PKD1: variants seen among roughly 807,000 people sequenced by gnomAD.
PKD1 encodes polycystin-1.
Under a neutral mutation model 361.7 loss-of-function variants are expected in PKD1, and 81 were observed. The observed-to-expected ratio is 0.22, with a 90% confidence interval of 0.19 to 0.27. The LOEUF (loss-of-function observed/expected upper bound fraction) is 0.27. Ranked by LOEUF, PKD1 falls within the 10% of genes least tolerant of loss-of-function variation. The pLI, the probability that PKD1 is intolerant of heterozygous loss-of-function variation, is 1.00. For missense variants in PKD1, 6,399 were observed against 6,118.3 expected (o/e 1.05, Z -1.53); for synonymous variants, 3,615 against 2,818.3 (o/e 1.28, Z -8.95).
intron 37 of PKD1, 84 bp downstream of exon 37, chr16:2,093,460 G>A (rs1389554720): frequency 7.7e-7 from 1 of 1,291,526 alleles, no homozygotes; most frequent in East Asian, 2.5e-5. Flanking sequence ...GAGGAAAGGG[G>A]GACAGGAGTG....
At chr16:2,131,113 T>C (rs188685558) in intron 1 of PKD1, among the ~76,000 whole-genome samples, 3 of 152,238 alleles carry the variant, frequency 2.0e-5, no homozygotes, top group Admixed American at 6.5e-5. Context: ...GGTGACACCA[T>C]GGAGGTGGCA....
At chr16:2,096,577 G>A (rs1258094008) in intron 34 of PKD1, among the ~76,000 whole-genome samples, 3 of 152,088 alleles carry the variant, frequency 2.0e-5, no homozygotes, top group East Asian at 1.9e-4. Context: ...GTGCAGTGGC[G>A]CGATCTCGGC....
intron 1 of PKD1, chr16:2,119,995 T>C: frequency 5.0e-6 from 3 of 595,102 alleles, no homozygotes; most frequent in Non-Finnish European, 9.0e-6. Flanking sequence ...AAGGATCGCC[T>C]GGGCCCAGGA....
At chr16:2,107,853 G>C (rs769513074) in intron 16 of PKD1, 30 bp downstream of exon 16, 1 of 1,538,738 alleles carries the variant, frequency 6.5e-7, no homozygotes, top group African/African-American at 1.4e-5. Context: ...GCTGTCCAAG[G>C]CAAGTGGCCG....
chr16:2,106,002 C>T lies in PKD1; in HGVS notation c.7726G>A (p.Glu2576Lys). ...LNRSLAITLPEPNGSATGLTV... is the reference protein window; with the variant it reads ...LNRSLAITLPKPNGSATGLTV... ...AGCCCCGTTGCGCTGCCGTTGGGCT[C>T]TGGGAGGGTGATGGCCAAAGACCTA... The change falls in exon 20 of 46, where the codon GAG (glutamate) becomes AAG (lysine). Residue 2576 changes from glutamate (E) to lysine (K), a missense_variant. By Grantham distance (56) the Glu-to-Lys change is moderately conservative. Coordinates refer to ENST00000262304, the MANE Select transcript of PKD1 (RefSeq NM_001009944.3). This position sits in a 1 kb window ranked among gnomAD's most constrained non-coding sequence, Gnocchi z 6.5. 1 of 1,605,200 alleles carries T rather than the reference C, an allele frequency of 6.2e-7. No homozygotes were observed. Among genetic ancestry groups the T allele is most frequent in the South Asian group, 1.1e-5 (1 of 90,986 alleles).
Position 2,111,038 on chromosome 16 carries a change from C to T in PKD1, c.4129G>A (p.Glu1377Lys), listed in dbSNP as rs765727138. ...RAHYFTSICV[E>K]PEVGNVTLQP... ...AGGGTGACGTTGCCCACCTCTGGCTCCACGCAGATGCTGGTGAAGTAATGC... is the reference window on the plus strand; with the variant it reads ...AGGGTGACGTTGCCCACCTCTGGCTTCACGCAGATGCTGGTGAAGTAATGC... Residue 1377 changes from glutamate (E) to lysine (K), a missense_variant, in exon 15 of 46, where the codon GAG becomes AAG. By Grantham distance (56) the Glu-to-Lys change is moderately conservative. Coordinates refer to ENST00000262304, the MANE Select transcript of PKD1 (RefSeq NM_001009944.3). The T allele has an allele frequency of 6.2e-7, 1 of 1,610,718 alleles. No individual in the cohort carries two copies. Among genetic ancestry groups the T allele is most frequent in the Non-Finnish European group, 8.5e-7 (1 of 1,179,820 alleles).
chr16:2,113,839 A>T, intron 11 of PKD1: 1 of 441,966 alleles, frequency 2.3e-6, no homozygotes, highest in East Asian at 4.5e-5. Context: ...TCCACCTCAA[A>T]AGCCACTCGC....
In PKD1 at chr16:2,106,743, G is replaced by T; in HGVS notation, c.7209+62C>A. ...CCTGTCAGCCCCACTTCTGCCTGCA[G>T]GCCCCGTCCCCTCGGCCATGGGACC... On this transcript the variant is annotated intron_variant, in intron 17 of 45. Transcript: ENST00000262304. The surrounding 1 kb of genome is among the most constrained non-coding windows in gnomAD (Gnocchi z 6.5). The T allele has an allele frequency of 6.6e-7, 1 of 1,510,590 alleles. No homozygotes were observed. Among genetic ancestry groups the T allele is most frequent in the Non-Finnish European group, 9.0e-7 (1 of 1,109,860 alleles). The allele number at this position is 1,510,590 out of a possible 1,614,324, so 93.6% of individuals were successfully genotyped here. A position where few individuals can be genotyped will look rare whatever the true frequency, so the allele number is the denominator to read the frequency against.
rs752697395 is a variant in PKD1, at chr16:2,090,478, G to T, written c.12251C>A (p.Pro4084His). 1.9e-6 allele frequency: 3 copies of T among 1,612,166 alleles called. No homozygotes were observed. Among genetic ancestry groups the T allele is most frequent in the Non-Finnish European group, 2.5e-6 (3 of 1,179,734 alleles). ...LCPAESWHLSPLLCVGLWALR... is the reference protein window; with the variant it reads ...LCPAESWHLSHLLCVGLWALR... ...TGCCCAGAGCCCCACACACAGCAGG[G>T]GTGACAGGTGCCAGGACTCGGCAGG... Residue 4084 changes from proline to histidine, a missense_variant, in exon 45 of 46, where the codon CCC becomes CAC. Pro to His is a moderately conservative substitution (Grantham distance 77). Coordinates refer to ENST00000262304, the MANE Select transcript of PKD1 (RefSeq NM_001009944.3).
chr16:2,113,752 G>A (rs188956158), intron 11 of PKD1: 10 of 362,282 alleles, frequency 2.8e-5, no homozygotes, highest in East Asian at 2.6e-4. Context: ...CCCGCAAGAT[G>A]GAGACAGCCC....
Position 2,093,709 on chromosome 16 carries a change from C to T in PKD1, c.10851G>A (p.Leu3617=), listed in dbSNP as rs1389211424. 4 of 1,594,814 alleles carry T rather than the reference C, an allele frequency of 2.5e-6. No homozygotes were observed. The highest frequency in any genetic ancestry group is 1.7e-5 in the Admixed American group (1 of 58,548). The change falls in exon 37 of 46, where the codon CTG becomes CTA. Residue 3617 remains leucine, a synonymous_variant. Coordinates refer to ENST00000262304, the MANE Select transcript of PKD1 (RefSeq NM_001009944.3). ...CATCCGGGTGCAGCCGCTTGGCCAC[C>T]AGTGAGAAGTACAGGGCTTCCAGCA... ...KVLLEALYFS[L]VAKRLHPDED... is the part of the protein sequence containing the mutation.
In PKD1 at chr16:2,092,422, G is replaced by A. The variant is rs1243015560; in HGVS notation, c.11269+58C>T. 8.1e-6 allele frequency: 10 copies of A among 1,239,422 alleles called. No individual in the cohort carries two copies. The East Asian group carries it at 1.4e-4, about 17-fold the overall frequency. The allele number at this position is 1,239,422 out of a possible 1,614,324, so 76.8% of individuals were successfully genotyped here. ...GGGCTGATGCCAGAGCTCCGCTAAA[G>A]GCTGCTCTCTCAACAAGAGGAACGA... On this transcript the variant is annotated intron_variant, in intron 39 of 45. Coordinates refer to ENST00000262304, the MANE Select transcript of PKD1 (RefSeq NM_001009944.3).
chr16:2,096,572 G>C (rs1156599356), intron 34 of PKD1, among the ~76,000 whole-genome samples: 1 of 152,112 alleles, frequency 6.6e-6, no homozygotes, highest in African/African-American at 2.4e-5. Flanking sequence ...CTGGAGTGCA[G>C]TGGCGCGATC....
chr16:2,119,955 G>A (rs1409618939), intron 1 of PKD1: 11 of 623,446 alleles, frequency 1.8e-5, no homozygotes, highest in African/African-American at 3.7e-5. Flanking sequence ...GGCACACGCC[G>A]GTAACACAGC....
chr16:2,123,075 C>T (rs1235164060), intron 1 of PKD1, among the ~76,000 whole-genome samples: 2 of 152,214 alleles, frequency 1.3e-5, no homozygotes, highest in Non-Finnish European at 2.9e-5. Flanking sequence ...GCTCCCCGCC[C>T]ATCCCACTGT....
chr16:2,124,641 C>T (rs1417235425), intron 1 of PKD1, among the ~76,000 whole-genome samples: 2 of 152,210 alleles, frequency 1.3e-5, no homozygotes, highest in South Asian at 2.1e-4. Context: ...GTGCCCCAGG[C>T]GCCCACTCCC....
In PKD1 at chr16:2,091,407, C is replaced by G. The variant is rs2091569371; in HGVS notation, c.11712+16G>C. Reference sequence around the variant, plus strand: ...TGCCGGTGGGAGGCGCGGGGTCTGGCCGGGGACGGGCGTACCGAGGTGAGC... The same window carrying G: ...TGCCGGTGGGAGGCGCGGGGTCTGGGCGGGGACGGGCGTACCGAGGTGAGC... On this transcript the variant is annotated intron_variant, in intron 42 of 45. Coordinates refer to ENST00000262304, the MANE Select transcript of PKD1 (RefSeq NM_001009944.3). The G allele has an allele frequency of 8.8e-7, 1 of 1,132,004 alleles. No homozygotes were observed. The highest frequency in any genetic ancestry group is 3.4e-5 in the South Asian group (1 of 29,004). 70.1% of individuals were successfully genotyped at this position (1,132,004 alleles called of 1,614,324 possible). A position where few individuals can be genotyped will look rare whatever the true frequency, so the allele number is the denominator to read the frequency against.
chr16:2,135,597 C>T lies in PKD1; in HGVS notation c.93G>A (p.Gly31=), dbSNP rs1456065179. The T allele has an allele frequency of 9.8e-7, 1 of 1,020,404 alleles. No homozygotes were observed. The highest frequency in any genetic ancestry group is 4.5e-5 in the South Asian group (1 of 22,420). The allele number at this position is 1,020,404 out of a possible 1,614,324, so 63.2% of individuals were successfully genotyped here. A position where few individuals can be genotyped will look rare whatever the true frequency, so the allele number is the denominator to read the frequency against. The change falls in exon 1 of 46, where the codon GGG becomes GGA. Residue 31 remains glycine (G), a synonymous_variant. Transcript: ENST00000262304. ...ALAGGPGRGC[G]PCEPPCLCGP... ...CGCAGAGGCAGGGGGGCTCGCAGGG[C>T]CCGCAGCCGCGCCCGGGGCCCCCCG...
rs1444647992 is a variant in PKD1, at chr16:2,090,214, TCA to T, written c.12445-22_12445-21del. The T allele has an allele frequency of 3.1e-6, 5 of 1,608,246 alleles. No homozygotes were observed. The highest frequency in any genetic ancestry group is 4.2e-6 in the Non-Finnish European group (5 of 1,177,556). ...GCGGAACTGGGGGCGGCACAGGGGC[TCA>T]GTCAGTCCGGCTGCACCCTGGGCAG... On this transcript the variant is annotated intron_variant, in intron 45 of 45. Coordinates refer to ENST00000262304, the MANE Select transcript of PKD1 (RefSeq NM_001009944.3).
Sources: allele counts gnomAD v4.1 joint callset (sites outside exome capture counted in the v4.1 genomes callset), GRCh38; gene constraint gnomAD v4.1.1; non-coding constraint Gnocchi (gnomAD v3.1); transcripts MANE v1.5; gene names NCBI Gene and HGNC (gene_info 2026-07-23, HGNC 2026-07-21).